The following AGBL4 variants were observed in gnomAD, a reference collection of about 807,000 sequenced individuals.
AGBL4 encodes AGBL carboxypeptidase 4.
In AGBL4, 58 loss-of-function variants were observed where a neutral mutation model predicts 66.4. The ratio of observed to expected loss-of-function variants is 0.87; its 90% CI spans 0.71 to 1.09. The LOEUF is 1.09. Ranked by LOEUF, AGBL4 falls within the 50% of genes least tolerant of loss-of-function variation. The probability of loss-of-function intolerance (pLI) is 0.00; values close to 1 mark genes in which losing one functional copy is unlikely to be tolerated. For missense variants in AGBL4, 579 were observed against 631.0 expected, an observed-to-expected ratio of 0.92 and a Z score of 0.88; for synonymous variants, 234 against 222.9, an observed-to-expected ratio of 1.05 and a Z score of -0.44.
intron 3 of AGBL4, among the ~76,000 whole-genome samples, chr1:49,593,619 A>G (rs1181341422): frequency 1.3e-5 from 2 of 152,200 alleles, no homozygotes; most frequent in African/African-American, 4.8e-5. Flanking sequence ...CTCCAGAACC[A>G]GATTGTCGCT....
At chr1:49,941,487 A>T (rs1473949584) in intron 1 of AGBL4, among the ~76,000 whole-genome samples, 3 of 152,114 alleles carry the variant, frequency 2.0e-5, no homozygotes, top group Non-Finnish European at 4.4e-5. Context: ...TCAACCAAAC[A>T]CTAACAAACC....
chr1:48,719,486 T>C (rs1049827998), intron 6 of AGBL4, among the ~76,000 whole-genome samples: 1 of 152,186 alleles, frequency 6.6e-6, no homozygotes, highest in African/African-American at 2.4e-5. Flanking sequence ...GATGCCAGCA[T>C]CATTTTTCTA....
intron 3 of AGBL4, among the ~76,000 whole-genome samples, chr1:49,616,309 C>G (rs1319631630): frequency 1.3e-5 from 2 of 152,128 alleles, no homozygotes; most frequent in African/African-American, 2.4e-5. Context: ...GACCTAAAAG[C>G]AGGCTTTGGC....
At chr1:49,948,029 TATATATAC>T (rs1557607890) in intron 1 of AGBL4, among the ~76,000 whole-genome samples, 18 of 31,386 alleles carry the variant, frequency 5.7e-4, no homozygotes, top group African/African-American at 1.9e-3. Flanking sequence ...TATATATAAA[TATATATAC>T]ATATAAATAT....
chr1:49,479,996 G>A (rs950750839), intron 3 of AGBL4, among the ~76,000 whole-genome samples: 8 of 151,968 alleles, frequency 5.3e-5, no homozygotes, highest in African/African-American at 1.7e-4. Flanking sequence ...CGTGAGCCAC[G>A]GCGCCCGGCT....
chr1:49,082,098 T>C (rs879318609), intron 4 of AGBL4, among the ~76,000 whole-genome samples: 5 of 152,144 alleles, frequency 3.3e-5, no homozygotes, highest in Admixed American at 3.3e-4. Flanking sequence ...TAAATGAAAG[T>C]ATAATGAGAT....
chr1:49,984,293 G>A (rs1007921240), intron 1 of AGBL4, among the ~76,000 whole-genome samples: 3 of 152,138 alleles, frequency 2.0e-5, no homozygotes, highest in Admixed American at 6.5e-5. Flanking sequence ...TAACTTTCTC[G>A]TACAGAAGAC....
At chr1:49,678,417 T>C (rs1646622608) in intron 3 of AGBL4, among the ~76,000 whole-genome samples, 1 of 152,152 alleles carries the variant, frequency 6.6e-6, no homozygotes. Context: ...AACCCACTTT[T>C]GCTAGATTGA....
At chr1:49,369,760 T>A (rs539293993) in intron 3 of AGBL4, among the ~76,000 whole-genome samples, 2 of 151,980 alleles carry the variant, frequency 1.3e-5, no homozygotes, top group East Asian at 1.9e-4. Flanking sequence ...ATCCTCAGAG[T>A]TCACGGCTGG....
intron 3 of AGBL4, among the ~76,000 whole-genome samples, chr1:49,607,639 T>A (rs1216521704): frequency 6.6e-6 from 1 of 152,122 alleles, no homozygotes. Flanking sequence ...CTGCCTTTAA[T>A]ACACTCTAAT....
At position 49,407,476 on chromosome 1, in the gene AGBL4, C is replaced by T. The variant is rs529562201; in HGVS notation, c.283-161612G>A. On this transcript the variant is annotated intron_variant, in intron 3 of 13. Coordinates refer to ENST00000371839, the MANE Select transcript of AGBL4 (RefSeq NM_032785.4). ...TTAGCAGCCTCCATCATCACGTGAGCCAATTCCTCATAATAAATCTCTTTC... is the reference window on the plus strand; with the variant it reads ...TTAGCAGCCTCCATCATCACGTGAGTCAATTCCTCATAATAAATCTCTTTC... Among the ~76,000 whole-genome samples, 4 of 152,264 alleles carry T rather than the reference C, an allele frequency of 2.6e-5. No individual in the cohort carries two copies. The East Asian group carries it at 7.7e-4, about 29-fold the overall frequency.
intron 4 of AGBL4, among the ~76,000 whole-genome samples, chr1:49,215,753 T>A (rs1348929740): frequency 2.0e-5 from 3 of 152,094 alleles, no homozygotes; most frequent in Non-Finnish European, 4.4e-5. Context: ...TCAAGCTTCA[T>A]CATCCCTTTC....
chr1:49,503,201 C>T (rs892273459), intron 3 of AGBL4, among the ~76,000 whole-genome samples: 2 of 152,090 alleles, frequency 1.3e-5, no homozygotes, highest in African/African-American at 4.8e-5. Context: ...TCAGAGGGTA[C>T]AAGCCCCCAG....
chr1:49,537,994 G>T (rs1651736763), intron 3 of AGBL4, among the ~76,000 whole-genome samples: 2 of 151,438 alleles, frequency 1.3e-5, no homozygotes, highest in African/African-American at 2.4e-5. Flanking sequence ...ATCAACTGTT[G>T]GTGGGAATGT....
intron 3 of AGBL4, among the ~76,000 whole-genome samples, chr1:49,372,613 TTCTTTCTTTCTTTC>T (rs1644374725): frequency 1.7e-4 from 4 of 22,942 alleles, no homozygotes; most frequent in African/African-American, 5.5e-4. Context: ...TTCTTTTTCT[TTCTTTCTTTCTTTC>T]TTTCTTTCTT....
intron 5 of AGBL4, among the ~76,000 whole-genome samples, chr1:48,943,113 T>C (rs1656150578): frequency 6.6e-6 from 1 of 152,142 alleles, no homozygotes; most frequent in African/African-American, 2.4e-5. Flanking sequence ...ACTTTTACCC[T>C]TGTACAGTAA....
At chr1:49,749,745 G>C (rs1234873347) in intron 2 of AGBL4, among the ~76,000 whole-genome samples, 1 of 152,122 alleles carries the variant, frequency 6.6e-6, no homozygotes, top group African/African-American at 2.4e-5. Context: ...AATGTTGAGA[G>C]AATTTGAAGA....
chr1:49,617,055 A>G (rs943732227), intron 3 of AGBL4, among the ~76,000 whole-genome samples: 1 of 152,078 alleles, frequency 6.6e-6, no homozygotes, highest in African/African-American at 2.4e-5. Context: ...CAACTCTCCA[A>G]TATTTTTTCC....
chr1:49,041,802 T>C (rs1191734121), intron 5 of AGBL4, among the ~76,000 whole-genome samples: 1 of 152,094 alleles, frequency 6.6e-6, no homozygotes, highest in African/African-American at 2.4e-5. Context: ...CGAATCTTCT[T>C]GTCTAGCCTA....
Sources: allele counts gnomAD v4.1 joint callset (sites outside exome capture counted in the v4.1 genomes callset), GRCh38; gene constraint gnomAD v4.1.1; transcripts MANE v1.5; gene names NCBI Gene and HGNC (gene_info 2026-07-23, HGNC 2026-07-21).